GPC5: variants seen among roughly 807,000 people sequenced by gnomAD.
The protein encoded by GPC5 is glypican 5.
In GPC5, 47 loss-of-function variants were observed where a neutral mutation model predicts 53.9. The ratio of observed to expected loss-of-function variants is 0.87; its 90% CI spans 0.69 to 1.11. The LOEUF is 1.11. Ranked by LOEUF, GPC5 falls within the 50% of genes most tolerant of loss-of-function variation. The pLI, the probability that GPC5 is intolerant of heterozygous loss-of-function variation, is 0.00. For missense variants in GPC5, 748 were observed against 713.1 expected, an observed-to-expected ratio of 1.05 and a Z score of -0.56; for synonymous variants, 286 against 263.3, an observed-to-expected ratio of 1.09 and a Z score of -0.84.
At chr13:91,677,626 C>A (rs1435603806) in intron 2 of GPC5, among the ~76,000 whole-genome samples, 1 of 152,104 alleles carries the variant, frequency 6.6e-6, no homozygotes, top group South Asian at 2.1e-4. Context: ...TCTTGCCCTG[C>A]AAAATTGCAG....
intron 5 of GPC5, among the ~76,000 whole-genome samples, chr13:91,900,841 T>A (rs1159452123): frequency 6.6e-6 from 1 of 152,108 alleles, no homozygotes; most frequent in Admixed American, 6.6e-5. Flanking sequence ...GTTTTTCATG[T>A]GAAAATATTA....
At chr13:91,974,282 G>T (rs1016642242) in intron 6 of GPC5, among the ~76,000 whole-genome samples, 1 of 152,192 alleles carries the variant, frequency 6.6e-6, no homozygotes, top group Non-Finnish European at 1.5e-5. Context: ...AATTAGGCAG[G>T]AGAATGAAAT....
chr13:91,983,310 C>T (rs1376207898), intron 6 of GPC5, among the ~76,000 whole-genome samples: 1 of 150,938 alleles, frequency 6.6e-6, no homozygotes, highest in Non-Finnish European at 1.5e-5. Flanking sequence ...AGCGCCACTG[C>T]ACTTCAGCCT....
rs189616509 is a variant in GPC5, at chr13:92,429,018, T to G, written c.1561+284029T>G. Among the ~76,000 whole-genome samples the G allele has an allele frequency of 5.0e-3, 759 of 152,158 alleles. 6 individuals are homozygous for G. Among genetic ancestry groups the G allele is most frequent in the African/African-American group, 0.018 (731 of 41,538 alleles). On this transcript the variant is annotated intron_variant, in intron 7 of 7. Coordinates refer to ENST00000377067, the MANE Select transcript of GPC5 (RefSeq NM_004466.6). ...GCTAGCTTTGGGGGGACAAAATACTTTAGATATTAATTTCATGCATTACAA... is the reference window on the plus strand; with the variant it reads ...GCTAGCTTTGGGGGGACAAAATACTGTAGATATTAATTTCATGCATTACAA...
intron 2 of GPC5, among the ~76,000 whole-genome samples, chr13:91,589,228 T>A (rs1204023569): frequency 6.6e-6 from 1 of 152,072 alleles, no homozygotes; most frequent in African/African-American, 2.4e-5. Flanking sequence ...TCCTGCCTTT[T>A]AAAAAACTAC....
intron 2 of GPC5, among the ~76,000 whole-genome samples, chr13:91,658,314 C>T (rs569137967): frequency 1.2e-4 from 18 of 151,830 alleles, no homozygotes; most frequent in Admixed American, 1.2e-3. Context: ...AGAAACATAA[C>T]ATTGGTGTTA....
At chr13:91,531,905 C>G (rs1886361796) in intron 2 of GPC5, among the ~76,000 whole-genome samples, 1 of 152,132 alleles carries the variant, frequency 6.6e-6, no homozygotes, top group Non-Finnish European at 1.5e-5. Context: ...CCATGAGTCT[C>G]TTAGATCTTT....
At chr13:92,734,009 G>A (rs1485114301) in intron 7 of GPC5, among the ~76,000 whole-genome samples, 1 of 151,740 alleles carries the variant, frequency 6.6e-6, no homozygotes, top group African/African-American at 2.4e-5. Flanking sequence ...AGTGGCTGAG[G>A]CAGCAGGGGA....
chr13:92,826,754 C>G (rs951051511), intron 7 of GPC5, among the ~76,000 whole-genome samples: 16 of 152,100 alleles, frequency 1.1e-4, no homozygotes, highest in Non-Finnish European at 2.9e-5. Flanking sequence ...TAACGTATCT[C>G]ATTAATATAT....
At chr13:91,758,677 C>T (rs1038438461) in intron 5 of GPC5, among the ~76,000 whole-genome samples, 8 of 152,134 alleles carry the variant, frequency 5.3e-5, no homozygotes, top group Middle Eastern at 3.4e-3. Flanking sequence ...CCATGAAAAC[C>T]GTCCACATTT....
intron 7 of GPC5, among the ~76,000 whole-genome samples, chr13:92,696,672 CT>C (rs770398635): frequency 2.0e-5 from 3 of 152,082 alleles, no homozygotes; most frequent in Non-Finnish European, 4.4e-5. Flanking sequence ...ATGAAAGTTT[CT>C]TTTGCTGTGA....
intron 2 of GPC5, among the ~76,000 whole-genome samples, chr13:91,533,690 C>A (rs1472378315): frequency 1.3e-5 from 2 of 152,124 alleles, no homozygotes; most frequent in Non-Finnish European, 2.9e-5. Context: ...CGAAAGGAAG[C>A]AAAACTTAAA....
intron 3 of GPC5, among the ~76,000 whole-genome samples, chr13:91,702,036 C>A (rs1330948083): frequency 6.6e-6 from 1 of 151,898 alleles, no homozygotes; most frequent in Admixed American, 6.6e-5. Context: ...TTTGCATTTC[C>A]CTGTTGATTC....
At chr13:92,452,624 G>C (rs1488859239) in intron 7 of GPC5, among the ~76,000 whole-genome samples, 1 of 151,944 alleles carries the variant, frequency 6.6e-6, no homozygotes, top group Admixed American at 6.6e-5. Context: ...CTGTAGTGCA[G>C]TGGCGCGATC....
intron 7 of GPC5, among the ~76,000 whole-genome samples, chr13:92,675,936 C>T (rs577278476): frequency 6.6e-6 from 1 of 152,114 alleles, no homozygotes; most frequent in Non-Finnish European, 1.5e-5. Context: ...TATGTGGTCT[C>T]AATATTATTT....
chr13:92,467,451 A>T (rs549410105), intron 7 of GPC5, among the ~76,000 whole-genome samples: 1 of 152,242 alleles, frequency 6.6e-6, no homozygotes, highest in South Asian at 2.1e-4. Context: ...CCTAAACACA[A>T]GATTAAAGAG....
chr13:91,889,685 A>G (rs1379446720), intron 5 of GPC5, among the ~76,000 whole-genome samples: 1 of 152,206 alleles, frequency 6.6e-6, no homozygotes, highest in Non-Finnish European at 1.5e-5. Context: ...TTACTTTAGT[A>G]TCAGTCATAT....
chr13:92,752,548 G>A (rs555837134), intron 7 of GPC5, among the ~76,000 whole-genome samples: 23 of 152,216 alleles, frequency 1.5e-4, no homozygotes, highest in African/African-American at 4.1e-4. Context: ...CGCAGAAGAC[G>A]GGTGATTTCT....
intron 2 of GPC5, among the ~76,000 whole-genome samples, chr13:91,557,612 T>C (rs1034127504): frequency 6.6e-6 from 1 of 152,156 alleles, no homozygotes; most frequent in Non-Finnish European, 1.5e-5. Flanking sequence ...TCCAATTCTC[T>C]ACTGAATACA....
Sources: gnomAD v4.1 joint callset for allele counts (sites outside exome capture counted in the v4.1 genomes callset) on GRCh38, gnomAD v4.1.1 for gene constraint, MANE v1.5 for transcripts, NCBI Gene and HGNC (gene_info 2026-07-23, HGNC 2026-07-21) for gene names.